The following GNPAT variants were observed in gnomAD, a reference collection of about 807,000 sequenced individuals.
GNPAT encodes the protein dihydroxyacetone phosphate acyltransferase.
GNPAT carries 30 observed loss-of-function variants against 78.4 expected under a neutral mutation model. That is an observed-to-expected ratio of 0.38 (90% CI 0.29 to 0.52). The LOEUF is 0.52. Among genes scored for constraint, GNPAT ranks in the 20% least tolerant of loss-of-function variants. The pLI, the probability that GNPAT is intolerant of heterozygous loss-of-function variation, is 0.84. For synonymous variants in GNPAT, 271 were observed against 281.1 expected (o/e 0.96, Z 0.36); for missense variants, 714 against 812.2 (o/e 0.88, Z 1.47).
intron 4 of GNPAT, among the ~76,000 whole-genome samples, chr1:231,263,496 G>T (rs996727207): frequency 6.6e-6 from 1 of 152,126 alleles, no homozygotes; most frequent in African/African-American, 2.4e-5. Context: ...TTAACAGAAT[G>T]CCCTCAAGGT....
At chr1:231,265,481 T>C in intron 5 of GNPAT, 61 bp downstream of exon 5, 1 of 1,378,882 alleles carries the variant, frequency 7.3e-7, no homozygotes, top group Non-Finnish European at 1.0e-6. Flanking sequence ...TGTTTGCTCA[T>C]TTAAACTCTT....
intron 9 of GNPAT, among the ~76,000 whole-genome samples, chr1:231,269,509 TGGA>T (rs1685492987): frequency 6.6e-6 from 1 of 152,082 alleles, no homozygotes; most frequent in African/African-American, 2.4e-5. Flanking sequence ...GCCGCAGCAG[TGGA>T]GGCACTCAGG....
intron 10 of GNPAT, among the ~76,000 whole-genome samples, 188 bp from the exon 11 acceptor site, chr1:231,272,124 A>G (rs746936680): frequency 2.0e-5 from 3 of 152,160 alleles, no homozygotes; most frequent in African/African-American, 4.8e-5. Flanking sequence ...AAACTATGCT[A>G]GACCGTAGTT....
chr1:231,258,510 A>G (rs1685127972), intron 2 of GNPAT, among the ~76,000 whole-genome samples: 2 of 151,740 alleles, frequency 1.3e-5, no homozygotes, highest in Non-Finnish European at 2.9e-5. Context: ...CCTTTCTCTC[A>G]GGGGACTTCT....
Position 231,265,314 on chromosome 1 carries a change from T to C in GNPAT, c.590T>C (p.Val197Ala), listed in dbSNP as rs1468881215. ...TTAGACTTCCTGGGAATGAAAATGG[T>C]TGGTGAGCTGCTACGAATGTCGGGT... is the stretch of plus-strand genomic sequence containing the variant. ...AGMDFLGMKM[V>A]GELLRMSGAF... Residue 197 changes from valine (V) to alanine (A), a missense_variant, in exon 5 of 16, where the codon GTT (valine) becomes GCT (alanine). Transcript: ENST00000366647. The C allele has an allele frequency of 1.2e-6, 2 of 1,612,454 alleles. No individual in the cohort carries two copies. The highest frequency in any genetic ancestry group is 1.7e-6 in the Non-Finnish European group (2 of 1,178,450).
intron 2 of GNPAT, among the ~76,000 whole-genome samples, chr1:231,255,023 G>A (rs929793547): frequency 2.6e-4 from 39 of 152,032 alleles, no homozygotes; most frequent in Non-Finnish European, 4.6e-4. Context: ...AAAGCACTGG[G>A]ATTACAGGTG....
At chr1:231,274,499 TCAAGTG>T (rs1352984745) in intron 12 of GNPAT, among the ~76,000 whole-genome samples, 1 of 152,214 alleles carries the variant, frequency 6.6e-6, no homozygotes, top group East Asian at 1.9e-4. Context: ...AAGAAAAAGT[TCAAGTG>T]CAAGTTCTGA....
rs10693276 is a variant in GNPAT at position 231,256,479 on chromosome 1, CTTTTTTTTT to C, written c.262-4011_262-4003del. On this transcript the variant is annotated intron_variant, in intron 2 of 15. Coordinates refer to ENST00000366647, the MANE Select transcript of GNPAT (RefSeq NM_014236.4). ...CAGTCACTAAGACTGCTAATTTTCT[CTTTTTTTTT>C]TTTTTTTTTTTTTTTTGAGAGGGAG... is the stretch of plus-strand genomic sequence containing the variant. Among the ~76,000 whole-genome samples the C allele has an allele frequency of 7.9e-3, 600 of 75,946 alleles. 6 individuals are homozygous for C. Among genetic ancestry groups the C allele is most frequent in the African/African-American group, 0.031 (558 of 17,896 alleles). 49.8% of individuals were successfully genotyped at this position (75,946 alleles called of 152,430 possible). A position where few individuals can be genotyped will look rare whatever the true frequency, so the allele number is the denominator to read the frequency against.
chr1:231,243,404 A>G (rs912223892), intron 1 of GNPAT, among the ~76,000 whole-genome samples: 3 of 151,908 alleles, frequency 2.0e-5, no homozygotes, highest in Non-Finnish European at 4.4e-5. Context: ...GTTCACTGCA[A>G]CCTCCATCTC....
In GNPAT at chr1:231,250,998, T is replaced by C. The variant is rs1684880657; in HGVS notation, c.116T>C (p.Leu39Ser). The C allele has an allele frequency of 1.2e-6, 2 of 1,612,556 alleles. No homozygotes were observed. The highest frequency in any genetic ancestry group is 1.3e-5 in the African/African-American group (1 of 75,026). The change falls in exon 2 of 16, where the codon TTA (leucine) becomes TCA (serine). Residue 39 changes from leucine (L) to serine (S), a missense_variant. Transcript: ENST00000366647. ...LKKWDEFEDI[L>S]EERRHVSDLK... ...AAGTGGGATGAGTTTGAAGATATTT[T>C]AGAAGAGAGGAGGCATGTCAGTGAC...
At chr1:231,271,920 G>A (rs1685578405) in intron 10 of GNPAT, among the ~76,000 whole-genome samples, 2 of 152,184 alleles carry the variant, frequency 1.3e-5, no homozygotes, top group Non-Finnish European at 2.9e-5. Flanking sequence ...GACCAACATG[G>A]TGAAACCCTG....
At chr1:231,277,194 G>C (rs1292541046) in intron 15 of GNPAT, among the ~76,000 whole-genome samples, 1 of 152,188 alleles carries the variant, frequency 6.6e-6, no homozygotes, top group African/African-American at 2.4e-5. Context: ...GAGGGTGACG[G>C]AATCAATTAC....
chr1:231,258,716 C>T (rs1362938163), intron 2 of GNPAT, among the ~76,000 whole-genome samples: 11 of 143,290 alleles, frequency 7.7e-5, no homozygotes, highest in South Asian at 2.2e-4. Context: ...CTGCAAGCTC[C>T]GCCTCCCAGG....
Position 231,267,914 on chromosome 1 carries a change from A to G in GNPAT, c.1279+11A>G. On this transcript the variant is annotated intron_variant, in intron 9 of 15. Transcript: ENST00000366647. ...TTCTCATTTGGCCTGGTATGTAGGTAGGACATATGTGTTGAGAATGCTTGC... is the reference window on the plus strand; with the variant it reads ...TTCTCATTTGGCCTGGTATGTAGGTGGGACATATGTGTTGAGAATGCTTGC... 2 of 1,464,312 alleles carry G rather than the reference A, an allele frequency of 1.4e-6. No individual in the cohort carries two copies. Among genetic ancestry groups the G allele is most frequent in the South Asian group, 1.1e-5 (1 of 88,108 alleles). The allele number at this position is 1,464,312 out of a possible 1,614,324, so 90.7% of individuals were successfully genotyped here.
rs1193935504 is a variant in GNPAT, at chr1:231,269,159, G to A, written c.1279+1256G>A. On this transcript the variant is annotated intron_variant, in intron 9 of 15. Coordinates refer to ENST00000366647, the MANE Select transcript of GNPAT (RefSeq NM_014236.4). ...GTGAGGGTTCAGTGAACAGAGACAA[G>A]GAGCAACATGCATGCTGCAGAGGGT... 3.9e-5 allele frequency among the ~76,000 whole-genome samples: 6 copies of A among 152,250 alleles called. 1 individual carries two copies. Among genetic ancestry groups the A allele is most frequent in the South Asian group, 2.1e-4 (1 of 4,828 alleles).
intron 9 of GNPAT, among the ~76,000 whole-genome samples, chr1:231,268,690 G>A (rs1434972451): frequency 3.3e-5 from 5 of 150,822 alleles, no homozygotes; most frequent in Admixed American, 6.6e-5. Flanking sequence ...GGCGGATCAC[G>A]AGGTCAGCAG....
chr1:231,251,005 G>C lies in GNPAT; in HGVS notation c.123G>C (p.Glu41Asp), dbSNP rs1362411585. The change falls in exon 2 of 16, where the codon GAG (glutamate) becomes GAC (aspartate). Residue 41 changes from glutamate to aspartate, a missense_variant. Glu to Asp is a conservative substitution (Grantham distance 45). Coordinates refer to ENST00000366647, the MANE Select transcript of GNPAT (RefSeq NM_014236.4). Reference protein sequence around the residue: ...KWDEFEDILEERRHVSDLKFA... With the variant: ...KWDEFEDILEDRRHVSDLKFA... ...ATGAGTTTGAAGATATTTTAGAAGA[G>C]AGGAGGCATGTCAGTGACTTGAAAT... The C allele has an allele frequency of 3.7e-6, 6 of 1,612,072 alleles. No homozygotes were observed. The highest frequency in any genetic ancestry group is 1.3e-5 in the African/African-American group (1 of 74,900).
intron 10 of GNPAT, 65 bp from the exon 11 acceptor site, chr1:231,272,246 CT>C (rs1185856991): frequency 8.5e-6 from 7 of 822,584 alleles, no homozygotes; most frequent in Non-Finnish European, 1.5e-5. Flanking sequence ...ATAGTAAGGA[CT>C]TCCTGGTACT....
intron 8 of GNPAT, 147 bp downstream of exon 8, chr1:231,266,554 C>A: frequency 1.3e-6 from 1 of 743,998 alleles, no homozygotes; most frequent in Non-Finnish European, 2.3e-6. Flanking sequence ...CCGTTTTCAT[C>A]AGTGGAAACC....
Sources: gnomAD v4.1 joint callset for allele counts (sites outside exome capture counted in the v4.1 genomes callset) on GRCh38, gnomAD v4.1.1 for gene constraint, MANE v1.5 for transcripts, NCBI Gene and HGNC (gene_info 2026-07-23, HGNC 2026-07-21) for gene names.